Variants in CKAP2L observed in about 807,000 individuals in gnomAD.
CKAP2L encodes the protein cytoskeleton associated protein 2L, also known as cytoskeleton-associated protein 2-like.
Under a neutral mutation model 65.7 loss-of-function variants are expected in CKAP2L, and 42 were observed. The ratio of observed to expected loss-of-function variants is 0.64; its 90% CI spans 0.50 to 0.83. CKAP2L has a LOEUF of 0.83. Ranked by LOEUF, CKAP2L falls within the 40% of genes least tolerant of loss-of-function variation. CKAP2L has a pLI of 0.00. For synonymous variants in CKAP2L, 325 were observed against 313.5 expected (o/e 1.04, Z -0.39); for missense variants, 908 against 871.0 (o/e 1.04, Z -0.53).
intron 4 of CKAP2L, among the ~76,000 whole-genome samples, chr2:112,754,559 T>C (rs916560665): frequency 6.6e-6 from 1 of 152,220 alleles, no homozygotes; most frequent in East Asian, 1.9e-4. Flanking sequence ...TCTAGTACTT[T>C]CTATATATAC....
rs189352310 is a variant in CKAP2L, at chr2:112,759,959, T to A, written c.156+754A>T. On this transcript the variant is annotated intron_variant, in intron 3 of 8. Coordinates refer to ENST00000302450, the MANE Select transcript of CKAP2L (RefSeq NM_152515.5). ...CTGAAATATGACTGAAGTGATTTGGTGAATCATTAAAACTTATTAAAATTC... is the reference window on the plus strand; with the variant it reads ...CTGAAATATGACTGAAGTGATTTGGAGAATCATTAAAACTTATTAAAATTC... 3.5e-3 allele frequency among the ~76,000 whole-genome samples: 538 copies of A among 152,030 alleles called. 6 individuals carry two copies. The highest frequency in any genetic ancestry group is 0.012 in the African/African-American group (509 of 41,402).
intron 7 of CKAP2L, among the ~76,000 whole-genome samples, chr2:112,742,227 T>G (rs1227667872): frequency 2.6e-5 from 4 of 152,232 alleles, no homozygotes; most frequent in African/African-American, 9.6e-5. Context: ...TCACTCGTGT[T>G]TGGCACAATA....
chr2:112,750,379 T>C (rs906395521), intron 5 of CKAP2L, among the ~76,000 whole-genome samples: 3 of 152,224 alleles, frequency 2.0e-5, no homozygotes, highest in Non-Finnish European at 4.4e-5. Context: ...CTGACAATTC[T>C]TGTCCGCCCG....
chr2:112,748,199 C>T (rs1680260663), intron 5 of CKAP2L, among the ~76,000 whole-genome samples: 1 of 151,976 alleles, frequency 6.6e-6, no homozygotes, highest in South Asian at 2.1e-4. Context: ...TGAAAAGGCT[C>T]TCAGATAGTT....
At chr2:112,739,639 G>A (rs1278027445) in intron 8 of CKAP2L, among the ~76,000 whole-genome samples, 1 of 152,128 alleles carries the variant, frequency 6.6e-6, no homozygotes. Context: ...TTGAATTAAT[G>A]AATTCCAAGA....
At chr2:112,753,242 C>T (rs1026660139) in intron 4 of CKAP2L, among the ~76,000 whole-genome samples, 3 of 152,208 alleles carry the variant, frequency 2.0e-5, no homozygotes, top group African/African-American at 7.2e-5. Context: ...TAGTTGATAT[C>T]TTTTGATGTC....
At chr2:112,739,816 G>T (rs527579579) in intron 8 of CKAP2L, among the ~76,000 whole-genome samples, 2 of 152,094 alleles carry the variant, frequency 1.3e-5, no homozygotes, top group African/African-American at 4.8e-5. Context: ...CAGCATGCCT[G>T]GCTAATTTTT....
chr2:112,752,344 CCTCTTCTTTTTCAATG>C lies in CKAP2L; in HGVS notation c.1509_1524del (p.Ser503ArgfsTer18). 6.2e-7 allele frequency: 1 copy of C among 1,613,724 alleles called. No homozygotes were observed. The highest frequency in any genetic ancestry group is 8.5e-7 in the Non-Finnish European group (1 of 1,179,740). On this transcript the variant is annotated frameshift_variant, in exon 5 of 9. Transcript: ENST00000302450. LOFTEE classifies it high-confidence loss of function. ...AGTTCGAGTTGTGCTTTCTTTTCTT[CCTCTTCTTTTTCAATG>C]CTCTTCCAGAATGAAATATTCATTT...
chr2:112,759,003 T>C (rs890403364), intron 3 of CKAP2L, among the ~76,000 whole-genome samples: 6 of 152,250 alleles, frequency 3.9e-5, no homozygotes, highest in Non-Finnish European at 7.3e-5. Flanking sequence ...TCATGTAATA[T>C]GTGGCCTTTT....
rs527366719 is a variant in CKAP2L at position 112,754,204 on chromosome 2, C to T, written c.1395-1730G>A. 3.0e-4 allele frequency among the ~76,000 whole-genome samples: 45 copies of T among 152,322 alleles called. 1 individual carries two copies. The highest frequency in any genetic ancestry group is 3.4e-3 in the Middle Eastern group (1 of 294). The stretch of plus-strand genomic sequence containing the variant: ...CCTTGGTAGTCAGTCTCACCCCTAA[C>T]GCCCCCCTCCTGGCAATCACTGATC... On this transcript the variant is annotated intron_variant, in intron 4 of 8. Coordinates refer to ENST00000302450, the MANE Select transcript of CKAP2L (RefSeq NM_152515.5).
Position 112,762,554 on chromosome 2 carries a change from T to C in CKAP2L, c.53A>G (p.Lys18Arg), listed in dbSNP as rs1183134756. The C allele has an allele frequency of 3.1e-6, 5 of 1,613,798 alleles. No individual in the cohort carries two copies. The highest frequency in any genetic ancestry group is 1.3e-5 in the African/African-American group (1 of 74,934). ...AAAAVEERQR[K>R]LQEYLAAKGK... ...CTTGGCTGCAAGGTACTCCTGAAGC[T>C]TTCTCTGCCGCTCTTCTGCAACACA... is the stretch of plus-strand genomic sequence containing the variant. The change falls in exon 2 of 9, where the codon AAG becomes AGG. Residue 18 changes from lysine (K) to arginine (R), a missense_variant. Lys to Arg is a conservative substitution (Grantham distance 26). Coordinates refer to ENST00000302450, the MANE Select transcript of CKAP2L (RefSeq NM_152515.5).
chr2:112,743,111 A>G (rs1680074039), intron 6 of CKAP2L, among the ~76,000 whole-genome samples: 1 of 152,168 alleles, frequency 6.6e-6, no homozygotes, highest in Non-Finnish European at 1.5e-5. Context: ...AATGATGTAA[A>G]GCTAGCCACA....
At chr2:112,752,714 T>C (rs1487270485) in intron 4 of CKAP2L, among the ~76,000 whole-genome samples, 1 of 152,178 alleles carries the variant, frequency 6.6e-6, no homozygotes, top group Non-Finnish European at 1.5e-5. Context: ...AGACTTCAAA[T>C]AGAATTCGTG....
chr2:112,741,469 A>G (rs1244773158), intron 7 of CKAP2L, among the ~76,000 whole-genome samples: 1 of 152,210 alleles, frequency 6.6e-6, no homozygotes, highest in Non-Finnish European at 1.5e-5. Context: ...ACTGTCTTGC[A>G]TTAATAGTTT....
At position 112,757,179 on chromosome 2, in the gene CKAP2L, A is replaced by G. The variant is rs1680567371; in HGVS notation, c.192T>C (p.Val64=). The G allele has an allele frequency of 1.2e-6, 2 of 1,612,186 alleles. No individual in the cohort carries two copies. The highest frequency in any genetic ancestry group is 1.3e-5 in the African/African-American group (1 of 74,824). ...ACCTTTTAGGTTTGACAGGCAAAAC[A>G]ACATGGTTGGTAACATCATTTTTGG... ...IRPKNDVTNH[V]VLPVKPKRSI... Residue 64 remains valine, a synonymous_variant, in exon 4 of 9, where the codon GTT becomes GTC. Transcript: ENST00000302450.
Position 112,736,545 on chromosome 2 carries a change from T to G in CKAP2L, c.*2278A>C, listed in dbSNP as rs1023216745. 1 of 152,218 alleles carries G rather than the reference T, an allele frequency of 6.6e-6. No homozygotes were observed. Among genetic ancestry groups the G allele is most frequent in the Non-Finnish European group, 1.5e-5 (1 of 68,048 alleles). 9.4% of individuals were successfully genotyped at this position (152,218 alleles called of 1,614,324 possible). ...CAATTGTATTAACTTTAGCCCTATC[T>G]CTAGACTTGTTCATTTTATCTGCTA... is the stretch of plus-strand genomic sequence containing the variant. On this transcript the variant is annotated 3_prime_UTR_variant, in exon 9 of 9. Coordinates refer to ENST00000302450, the MANE Select transcript of CKAP2L (RefSeq NM_152515.5).
In CKAP2L at chr2:112,749,612, G is replaced by GA. The variant is rs11348915; in HGVS notation, c.1602+2654dup. Among the ~76,000 whole-genome samples, 1,200 of 149,676 alleles carry GA rather than the reference G, an allele frequency of 8.0e-3. 17 individuals carry two copies. Among genetic ancestry groups the GA allele is most frequent in the African/African-American group, 0.028 (1,140 of 40,238 alleles). ...GCAATATAATTAGAAATTAACAGCA[G>GA]AAAAAAAAAATCTACACATCTGGAA... is the stretch of plus-strand genomic sequence containing the variant. On this transcript the variant is annotated intron_variant, in intron 5 of 8. Coordinates refer to ENST00000302450, the MANE Select transcript of CKAP2L (RefSeq NM_152515.5).
chr2:112,755,548 TC>T (rs1280179151), intron 4 of CKAP2L, among the ~76,000 whole-genome samples: 3 of 152,110 alleles, frequency 2.0e-5, no homozygotes, highest in Admixed American at 2.0e-4. Context: ...TTCTGGTTCT[TC>T]CCTGGTAACT....
At chr2:112,750,477 ACTGTCTC>A (rs1558758820) in intron 5 of CKAP2L, among the ~76,000 whole-genome samples, 1 of 152,114 alleles carries the variant, frequency 6.6e-6, no homozygotes, top group African/African-American at 2.4e-5. Flanking sequence ...TGTGACCTAC[ACTGTCTC>A]CAGAGCTCCC....
Sources: gnomAD v4.1 joint callset for allele counts (sites outside exome capture counted in the v4.1 genomes callset) on GRCh38, gnomAD v4.1.1 for gene constraint, MANE v1.5 for transcripts, NCBI Gene and HGNC (gene_info 2026-07-23, HGNC 2026-07-21) for gene names.